Variants in EPHB1 observed in about 807,000 individuals in gnomAD.
EPHB1 encodes EPH receptor B1.
Under a neutral mutation model 94.4 loss-of-function variants are expected in EPHB1, and 30 were observed. The ratio of observed to expected loss-of-function variants is 0.32; its 90% CI spans 0.24 to 0.43. EPHB1 has a LOEUF of 0.43. Ranked by LOEUF, EPHB1 falls within the 20% of genes least tolerant of loss-of-function variation. EPHB1 has a pLI of 1.00. For missense variants in EPHB1, 1,055 were observed against 1,308.3 expected, an observed-to-expected ratio of 0.81 and a Z score of 2.99; for synonymous variants, 522 against 489.1, an observed-to-expected ratio of 1.07 and a Z score of -0.89.
intron 12 of EPHB1, among the ~76,000 whole-genome samples, chr3:135,226,049 C>A (rs992591822): frequency 6.6e-6 from 1 of 152,262 alleles, no homozygotes; most frequent in African/African-American, 2.4e-5. Context: ...AAGCCTAAAT[C>A]TAGCTGGGGA....
intron 1 of EPHB1, among the ~76,000 whole-genome samples, chr3:134,823,422 A>G (rs1463717195): frequency 6.6e-6 from 1 of 152,078 alleles, no homozygotes; most frequent in African/African-American, 2.4e-5. Flanking sequence ...TGTGCTGAAA[A>G]AGCTCACACA....
chr3:135,136,611 C>T (rs1295704127), intron 5 of EPHB1, among the ~76,000 whole-genome samples: 2 of 152,212 alleles, frequency 1.3e-5, no homozygotes, highest in Non-Finnish European at 2.9e-5. Flanking sequence ...TTGCACCTCC[C>T]TAGGCTGCAG....
At chr3:135,221,754 T>G (rs1427814414) in intron 12 of EPHB1, among the ~76,000 whole-genome samples, 1 of 152,218 alleles carries the variant, frequency 6.6e-6, no homozygotes, top group African/African-American at 2.4e-5. Context: ...GTACATCACA[T>G]GACTACTGTA....
At chr3:135,071,656 TTGA>T (rs1348084776) in intron 3 of EPHB1, among the ~76,000 whole-genome samples, 1 of 152,174 alleles carries the variant, frequency 6.6e-6, no homozygotes, top group African/African-American at 2.4e-5. Flanking sequence ...GTGCTTTATT[TTGA>T]TGATGAGTGA....
At chr3:134,945,261 A>G (rs1463406829) in intron 2 of EPHB1, among the ~76,000 whole-genome samples, 1 of 152,108 alleles carries the variant, frequency 6.6e-6, no homozygotes, top group African/African-American at 2.4e-5. Context: ...TTGTATAGAG[A>G]TGAATTTATC....
At chr3:135,053,899 G>A (rs1171527556) in intron 3 of EPHB1, among the ~76,000 whole-genome samples, 1 of 152,044 alleles carries the variant, frequency 6.6e-6, no homozygotes, top group Non-Finnish European at 1.5e-5. Context: ...GGCTAAGGCG[G>A]GAGGATAGTT....
intron 1 of EPHB1, among the ~76,000 whole-genome samples, chr3:134,883,501 C>G (rs1344020003): frequency 6.6e-6 from 1 of 152,174 alleles, no homozygotes; most frequent in African/African-American, 2.4e-5. Context: ...TTCAAAGGTC[C>G]TATTTAATCC....
At chr3:134,829,718 G>A (rs1259303370) in intron 1 of EPHB1, among the ~76,000 whole-genome samples, 5 of 152,166 alleles carry the variant, frequency 3.3e-5, no homozygotes, top group African/African-American at 1.2e-4. Context: ...TAGGGTCTGT[G>A]CAGAATAAGC....
chr3:134,934,754 A>G (rs1233421324), intron 2 of EPHB1, among the ~76,000 whole-genome samples: 2 of 152,152 alleles, frequency 1.3e-5, no homozygotes, highest in Non-Finnish European at 2.9e-5. Flanking sequence ...AGCTTGCTGT[A>G]TTAAACAACT....
At chr3:134,919,497 AG>A (rs2038635044) in intron 1 of EPHB1, among the ~76,000 whole-genome samples, 1 of 152,216 alleles carries the variant, frequency 6.6e-6, no homozygotes, top group African/African-American at 2.4e-5. Flanking sequence ...ATGAGATTAC[AG>A]GGAGACCAGC....
intron 1 of EPHB1, among the ~76,000 whole-genome samples, chr3:134,806,126 T>C (rs1175815846): frequency 2.0e-5 from 3 of 152,204 alleles, no homozygotes; most frequent in African/African-American, 7.2e-5. Context: ...TTAAAATATA[T>C]CTACAAATAT....
chr3:134,896,828 C>T (rs561525034), intron 1 of EPHB1, among the ~76,000 whole-genome samples: 3 of 152,390 alleles, frequency 2.0e-5, no homozygotes, highest in East Asian at 3.9e-4. Flanking sequence ...TCGTCAGGCC[C>T]TGCCCAAGAG....
At chr3:134,861,999 A>T in intron 1 of EPHB1, among the ~76,000 whole-genome samples, 1 of 152,188 alleles carries the variant, frequency 6.6e-6, no homozygotes, top group East Asian at 1.9e-4. Context: ...AAACACATGA[A>T]CTTAGCAGCC....
intron 3 of EPHB1, among the ~76,000 whole-genome samples, chr3:135,093,956 C>G (rs1054875110): frequency 1.3e-5 from 2 of 152,184 alleles, no homozygotes; most frequent in African/African-American, 4.8e-5. Context: ...TATGGATGCA[C>G]TATAATTTAT....
intron 1 of EPHB1, among the ~76,000 whole-genome samples, chr3:134,822,821 G>A (rs1005561198): frequency 4.6e-5 from 7 of 152,196 alleles, no homozygotes; most frequent in African/African-American, 1.7e-4. Flanking sequence ...TGCTGAGATT[G>A]TTTGTGGGAG....
intron 2 of EPHB1, among the ~76,000 whole-genome samples, chr3:134,936,409 C>T (rs1053561604): frequency 6.6e-6 from 1 of 152,096 alleles, no homozygotes; most frequent in Non-Finnish European, 1.5e-5. Flanking sequence ...TGTCCGGCTC[C>T]GGGCAGTGAT....
chr3:135,184,210 G>A (rs566611944), intron 10 of EPHB1, among the ~76,000 whole-genome samples: 6 of 152,164 alleles, frequency 3.9e-5, no homozygotes. Context: ...AGGGGCATCA[G>A]GTTAAGGGAG....
chr3:135,027,296 T>A (rs1350563381), intron 3 of EPHB1, among the ~76,000 whole-genome samples: 1 of 151,244 alleles, frequency 6.6e-6, no homozygotes, highest in Non-Finnish European at 1.5e-5. Flanking sequence ...TTGTGCCAGT[T>A]TTCAAAGGGA....
intron 9 of EPHB1, among the ~76,000 whole-genome samples, chr3:135,174,048 T>C (rs112360293): frequency 0.024 from 3,687 of 152,328 alleles, 79 homozygotes; most frequent in South Asian, 0.075. Context: ...TGAAAACTGT[T>C]ATCTTACACC....
Sources: allele counts gnomAD v4.1 joint callset (sites outside exome capture counted in the v4.1 genomes callset), GRCh38; gene constraint gnomAD v4.1.1; transcripts MANE v1.5; gene names NCBI Gene and HGNC (gene_info 2026-07-23, HGNC 2026-07-21).